The following A2M variants were observed in gnomAD, a reference collection of about 807,000 sequenced individuals.
The protein encoded by A2M is C3 and PZP-like alpha-2-macroglobulin domain-containing protein 5.
Under a neutral mutation model 183.9 loss-of-function variants are expected in A2M, and 128 were observed. The observed-to-expected ratio is 0.70, with a 90% CI of 0.60 to 0.81. A2M has a LOEUF of 0.81. Ranked by LOEUF, A2M falls within the 30% of genes least tolerant of loss-of-function variation. A2M has a pLI of 0.00. For missense variants in A2M, 1,495 were observed against 1,787.6 expected, an observed-to-expected ratio of 0.84 and a Z score of 2.95; for synonymous variants, 592 against 670.8, an observed-to-expected ratio of 0.88 and a Z score of 1.81.
At chr12:9,070,440 A>C in intron 32 of A2M, 48 bp downstream of exon 32, 1 of 1,244,084 alleles carries the variant, frequency 8.0e-7, no homozygotes, top group Non-Finnish European at 1.2e-6. Flanking sequence ...CTGGGGATAC[A>C]TACATCATTA....
chr12:9,111,451 T>G (rs1265127239), intron 4 of A2M: 8 of 451,722 alleles, frequency 1.8e-5, no homozygotes, highest in Admixed American at 1.7e-4. Flanking sequence ...ATTGTAATGA[T>G]CTTATTTAGA....
intron 22 of A2M, among the ~76,000 whole-genome samples, chr12:9,088,591 C>A (rs1174644650): frequency 6.6e-6 from 1 of 152,006 alleles, no homozygotes; most frequent in African/African-American, 2.4e-5. Flanking sequence ...AGGCAATGAA[C>A]CTATGTATGA....
At chr12:9,085,914 A>G (rs1949039388) in intron 22 of A2M, among the ~76,000 whole-genome samples, 1 of 152,228 alleles carries the variant, frequency 6.6e-6, no homozygotes, top group Non-Finnish European at 1.5e-5. Flanking sequence ...ATGCATTCCT[A>G]GACATATACA....
At chr12:9,085,842 G>A (rs1949037665) in intron 22 of A2M, among the ~76,000 whole-genome samples, 1 of 151,806 alleles carries the variant, frequency 6.6e-6, no homozygotes, top group Non-Finnish European at 1.5e-5. Flanking sequence ...AAATACAAAG[G>A]ATCATAAGAG....
chr12:9,082,193 T>C (rs1948927599), intron 22 of A2M, among the ~76,000 whole-genome samples: 1 of 152,206 alleles, frequency 6.6e-6, no homozygotes, highest in Non-Finnish European at 1.5e-5. Flanking sequence ...AATCCTCTAT[T>C]ATGCACATCT....
Position 9,099,482 on chromosome 12 carries a change from T to C in A2M, c.1600A>G (p.Ile534Val), listed in dbSNP as rs768576036. ...FSISIPVKSDIAPVARLLIYA... is the reference protein window; with the variant it reads ...FSISIPVKSDVAPVARLLIYA... ...ATGAGCAACCGAGCGACAGGAGCAA[T>C]GTCTGACTTCACAGGGATTGAGATG... Residue 534 changes from isoleucine (I) to valine (V), a missense_variant, in exon 14 of 36, where the codon ATT (isoleucine) becomes GTT (valine). Coordinates refer to ENST00000318602, the MANE Select transcript of A2M (RefSeq NM_000014.6). 1 of 1,610,372 alleles carries C rather than the reference T, an allele frequency of 6.2e-7. No homozygotes were observed. The highest frequency in any genetic ancestry group is 1.7e-5 in the Admixed American group (1 of 59,626).
rs376971969 is a variant in A2M, at chr12:9,098,655, G to A, written c.1803C>T (p.Asp601=). The change falls in exon 15 of 36, where the codon GAC becomes GAT. Residue 601 remains aspartate (D), a synonymous_variant. Transcript: ENST00000318602. Reference sequence around the variant, plus strand: ...CAGGCTTCATGAGCAGCACGCTTTGGTCCACAGCACGGAGGGCGCAGACGG... The same window carrying A: ...CAGGCTTCATGAGCAGCACGCTTTGATCCACAGCACGGAGGGCGCAGACGG... The part of the protein sequence containing the change: ...PQSVCALRAV[D]QSVLLMKPDA... 7 of 1,610,088 alleles carry A rather than the reference G, an allele frequency of 4.3e-6. No homozygotes were observed. The highest frequency in any genetic ancestry group is 5.9e-6 in the Non-Finnish European group (7 of 1,178,538).
intron 8 of A2M, among the ~76,000 whole-genome samples, chr12:9,107,019 A>C (rs1004927796): frequency 6.6e-6 from 1 of 152,170 alleles, no homozygotes; most frequent in Non-Finnish European, 1.5e-5. Flanking sequence ...GAAATAGTTC[A>C]AGTCCTGTCC....
At chr12:9,073,177 G>T (rs1163139522) in intron 29 of A2M, among the ~76,000 whole-genome samples, 1 of 152,110 alleles carries the variant, frequency 6.6e-6, no homozygotes, top group Non-Finnish European at 1.5e-5. Context: ...TCAGTTATTG[G>T]CATCAGCTAT....
chr12:9,073,885 C>T (rs1341544659), intron 29 of A2M, among the ~76,000 whole-genome samples: 4 of 151,992 alleles, frequency 2.6e-5, no homozygotes, highest in African/African-American at 7.3e-5. Context: ...CTCAGGACTT[C>T]GAGATCAGCC....
Position 9,106,612 on chromosome 12 carries a change from A to C in A2M, c.880-7T>G, listed in dbSNP as rs1267087576. ...AGCAGCCATGGCTGTTTAGCTAAGA[A>C]GGGAGAAAATAAAATACAAAAATAT... On this transcript the variant is annotated splice_region_variant and splice_polypyrimidine_tract_variant and intron_variant, in intron 8 of 35. Transcript: ENST00000318602. The C allele has an allele frequency of 6.8e-7, 1 of 1,462,368 alleles. No homozygotes were observed. Among genetic ancestry groups the C allele is most frequent in the Non-Finnish European group, 9.4e-7 (1 of 1,061,300 alleles). 90.6% of individuals were successfully genotyped at this position (1,462,368 alleles called of 1,614,324 possible).
chr12:9,096,169 T>C (rs1949376387), intron 15 of A2M, among the ~76,000 whole-genome samples: 1 of 152,228 alleles, frequency 6.6e-6, no homozygotes, highest in African/African-American at 2.4e-5. Flanking sequence ...GATCATTTTC[T>C]TGACACAGTG....
At chr12:9,075,914 T>C (rs1948735902) in intron 28 of A2M, among the ~76,000 whole-genome samples, 1 of 152,224 alleles carries the variant, frequency 6.6e-6, no homozygotes, top group Admixed American at 6.5e-5. Flanking sequence ...CCCTTTTGTA[T>C]ATCTATTATA....
At chr12:9,083,296 G>T (rs149154472) in intron 22 of A2M, among the ~76,000 whole-genome samples, 1 of 151,842 alleles carries the variant, frequency 6.6e-6, no homozygotes, top group Non-Finnish European at 1.5e-5. Context: ...TGTAAATGAC[G>T]AGTTAATGGG....
Position 9,072,537 on chromosome 12 carries a change from T to C in A2M, c.3976-51A>G, listed in dbSNP as rs771378653. 488 of 1,602,382 alleles carry C rather than the reference T, an allele frequency of 3.0e-4. 5 individuals are homozygous for C. In the South Asian group the frequency reaches 5.1e-3, roughly 17 times the overall value. ...GTTTTTTGCCCTTTCCCAGAATTCCTGTCCACGTCCCTAACCCTTTCTCTG... is the reference window on the plus strand; with the variant it reads ...GTTTTTTGCCCTTTCCCAGAATTCCCGTCCACGTCCCTAACCCTTTCTCTG... On this transcript the variant is annotated intron_variant, in intron 30 of 35. Coordinates refer to ENST00000318602, the MANE Select transcript of A2M (RefSeq NM_000014.6).
chr12:9,084,856 G>A (rs2137744854), intron 22 of A2M, among the ~76,000 whole-genome samples: 1 of 152,126 alleles, frequency 6.6e-6, no homozygotes, highest in African/African-American at 2.4e-5. Flanking sequence ...GGTAAATGGG[G>A]ACTAAAAGAG....
intron 22 of A2M, among the ~76,000 whole-genome samples, chr12:9,083,634 A>G (rs1452396522): frequency 6.6e-6 from 1 of 151,764 alleles, no homozygotes; most frequent in Non-Finnish European, 1.5e-5. Context: ...AAGAAAGCCT[A>G]TGGAAATTAT....
rs748433428 is a variant in A2M at position 9,072,746 on chromosome 12, G to T, written c.3882C>A (p.Asn1294Lys). The change falls in exon 30 of 36, where the codon AAC becomes AAA. Residue 1294 changes from asparagine (N) to lysine (K), a missense_variant. By Grantham distance (94) the Asn-to-Lys change is moderately conservative. Transcript: ENST00000318602. The part of the protein sequence containing the change: ...GTFSSKFQVD[N>K]NNRLLLQQVS... ...CCTGCTGCAGTAACAGGCGGTTGTTGTTGTCCACTTGGAATTTGCTGGAAA... is the reference window on the plus strand; with the variant it reads ...CCTGCTGCAGTAACAGGCGGTTGTTTTTGTCCACTTGGAATTTGCTGGAAA... 7 of 1,614,084 alleles carry T rather than the reference G, an allele frequency of 4.3e-6. No individual in the cohort carries two copies. In the Admixed American group the frequency reaches 1.2e-4, roughly 27 times the overall value.
chr12:9,116,182 C>A (rs921377538), upstream of A2M: 1 of 338,684 alleles, frequency 3.0e-6, no homozygotes, highest in South Asian at 2.5e-5. Flanking sequence ...CTCACTCCCC[C>A]ACAACTCCTC....
Sources: allele counts gnomAD v4.1 joint callset (sites outside exome capture counted in the v4.1 genomes callset), GRCh38; gene constraint gnomAD v4.1.1; transcripts MANE v1.5; gene names NCBI Gene and HGNC (gene_info 2026-07-23, HGNC 2026-07-21).